The following MTUS2 variants were observed in gnomAD, a reference collection of about 807,000 sequenced individuals.
MTUS2 encodes the protein microtubule-associated tumor suppressor candidate 2.
A neutral mutation model predicts 114.1 loss-of-function variants in MTUS2; 40 were observed. The observed-to-expected ratio is 0.35, with a 90% CI of 0.27 to 0.46. The LOEUF (loss-of-function observed/expected upper bound fraction) is 0.46, where lower values mean the gene tolerates loss of function less well. Ranked by LOEUF, MTUS2 falls within the 20% of genes least tolerant of loss-of-function variation. The probability of loss-of-function intolerance (pLI) is 1.00; values close to 1 mark genes in which losing one functional copy is unlikely to be tolerated. For synonymous variants in MTUS2, 688 were observed against 672.0 expected (o/e 1.02, Z -0.37); for missense variants, 1,679 against 1,705.4 (o/e 0.98, Z 0.27).
chr13:28,897,421 A>G (rs979697769), intron 2 of MTUS2, among the ~76,000 whole-genome samples: 2 of 152,220 alleles, frequency 1.3e-5, no homozygotes, highest in African/African-American at 4.8e-5. Flanking sequence ...GAGGATGTGG[A>G]GAAATAGGAA....
At chr13:29,248,654 T>C (rs564715466) in intron 5 of MTUS2, among the ~76,000 whole-genome samples, 3 of 152,018 alleles carry the variant, frequency 2.0e-5, no homozygotes, top group African/African-American at 7.2e-5. Context: ...CAGGCACCAG[T>C]GTGTGTTGTT....
At chr13:28,996,441 T>C (rs2138360557) in intron 2 of MTUS2, among the ~76,000 whole-genome samples, 1 of 152,320 alleles carries the variant, frequency 6.6e-6, no homozygotes, top group South Asian at 2.1e-4. Flanking sequence ...TTCCCTCTTT[T>C]TCTATTGATT....
intron 2 of MTUS2, among the ~76,000 whole-genome samples, chr13:28,994,575 T>G (rs1217866981): frequency 6.6e-6 from 1 of 152,222 alleles, no homozygotes; most frequent in Non-Finnish European, 1.5e-5. Flanking sequence ...GTTTCCTGAC[T>G]TTTTAGTGAT....
intron 8 of MTUS2, among the ~76,000 whole-genome samples, chr13:29,439,756 C>T (rs966991583): frequency 2.6e-5 from 4 of 152,004 alleles, no homozygotes; most frequent in African/African-American, 9.7e-5. Context: ...AACACAACCA[C>T]GGGTATTATT....
chr13:29,062,767 C>A (rs1473387118), intron 4 of MTUS2, among the ~76,000 whole-genome samples: 2 of 152,090 alleles, frequency 1.3e-5, no homozygotes, highest in East Asian at 3.9e-4. Context: ...ACTGGACATG[C>A]AAGAAATACA....
chr13:28,897,964 T>C (rs1879386625), intron 2 of MTUS2, among the ~76,000 whole-genome samples: 1 of 151,304 alleles, frequency 6.6e-6, no homozygotes. Flanking sequence ...GACGAGTTAA[T>C]GGGTGCAGCA....
intron 4 of MTUS2, 41 bp downstream of exon 4, chr13:29,034,166 TTAGA>T (rs1241988020): frequency 2.5e-6 from 4 of 1,610,406 alleles, no homozygotes; most frequent in Admixed American, 1.7e-5. Context: ...TGCTGTACGT[TTAGA>T]TAGTCATCAT....
chr13:29,393,099 G>A (rs966101119), intron 8 of MTUS2, among the ~76,000 whole-genome samples: 10 of 152,142 alleles, frequency 6.6e-5, no homozygotes, highest in Non-Finnish European at 1.0e-4. Flanking sequence ...TCAGTACTGC[G>A]CCAGGGCCAG....
chr13:29,332,201 C>T (rs191518441), intron 7 of MTUS2, among the ~76,000 whole-genome samples: 5,329 of 152,048 alleles, frequency 0.035, 291 homozygotes, highest in African/African-American at 0.12. Context: ...GGCCGTTTTT[C>T]GTTGGTAGGC....
At chr13:29,495,181 CAAAAAAAAAAAA>C (rs71090260) in intron 12 of MTUS2, among the ~76,000 whole-genome samples, 5 of 30,068 alleles carry the variant, frequency 1.7e-4, no homozygotes, top group East Asian at 1.1e-3. Context: ...AACTCCGTCT[CAAAAAAAAAAAA>C]AAAAAAAAAA....
chr13:29,234,830 G>T (rs1245298308), intron 5 of MTUS2, among the ~76,000 whole-genome samples: 3 of 151,638 alleles, frequency 2.0e-5, no homozygotes, highest in African/African-American at 7.3e-5. Flanking sequence ...GTTTTTCAAG[G>T]CCACTTCCCC....
chr13:29,282,739 A>G (rs1049947560), intron 6 of MTUS2, among the ~76,000 whole-genome samples: 13 of 152,182 alleles, frequency 8.5e-5, no homozygotes, highest in African/African-American at 3.1e-4. Context: ...TCAATGTATC[A>G]TCATATCAAT....
intron 5 of MTUS2, among the ~76,000 whole-genome samples, chr13:29,218,195 G>A (rs1196933415): frequency 1.3e-5 from 2 of 151,910 alleles, no homozygotes; most frequent in Admixed American, 1.3e-4. Context: ...GTGTCTTCAT[G>A]GGGAGTAGAT....
intron 5 of MTUS2, among the ~76,000 whole-genome samples, chr13:29,198,247 T>C (rs1482780458): frequency 6.6e-6 from 1 of 152,216 alleles, no homozygotes; most frequent in Non-Finnish European, 1.5e-5. Flanking sequence ...AATTTTTGTA[T>C]AAGGTGTAAG....
chr13:29,470,154 C>T (rs931691448), intron 9 of MTUS2, among the ~76,000 whole-genome samples: 45 of 152,240 alleles, frequency 3.0e-4, no homozygotes, highest in Non-Finnish European at 4.3e-4. Flanking sequence ...CCTACCCCAC[C>T]GCACTGGGGG....
At chr13:29,419,809 A>C (rs1875945632) in intron 8 of MTUS2, among the ~76,000 whole-genome samples, 1 of 152,248 alleles carries the variant, frequency 6.6e-6, no homozygotes, top group African/African-American at 2.4e-5. Context: ...TGAATCCCTG[A>C]GATCATCCTT....
At chr13:29,403,899 T>C (rs892692223) in intron 8 of MTUS2, among the ~76,000 whole-genome samples, 5 of 152,096 alleles carry the variant, frequency 3.3e-5, no homozygotes, top group Non-Finnish European at 5.9e-5. Context: ...CTCATATTTT[T>C]CCCATCTTTG....
intron 2 of MTUS2, among the ~76,000 whole-genome samples, chr13:28,850,218 T>C (rs905113591): frequency 3.3e-5 from 5 of 152,216 alleles, no homozygotes; most frequent in African/African-American, 1.2e-4. Context: ...TTTTATATTG[T>C]CCGCAAACTC....
intron 7 of MTUS2, among the ~76,000 whole-genome samples, chr13:29,335,489 A>G (rs899926419): frequency 5.3e-5 from 8 of 152,046 alleles, no homozygotes; most frequent in African/African-American, 1.9e-4. Flanking sequence ...GAAGCATGTG[A>G]TCTCTGTGAC....
Sources: allele counts gnomAD v4.1 joint callset (sites outside exome capture counted in the v4.1 genomes callset), GRCh38; gene constraint gnomAD v4.1.1; transcripts MANE v1.5; gene names NCBI Gene and HGNC (gene_info 2026-07-23, HGNC 2026-07-21).